Variants in ZBTB20 observed in about 807,000 individuals in gnomAD.
ZBTB20 encodes zinc finger and BTB domain containing 20.
A neutral mutation model predicts 56.9 loss-of-function variants in ZBTB20; 9 were observed. That is an observed-to-expected ratio of 0.16 (90% CI 0.10 to 0.28). ZBTB20 has a LOEUF of 0.28. Ranked by LOEUF, ZBTB20 falls within the 10% of genes least tolerant of loss-of-function variation. The probability of loss-of-function intolerance (pLI) is 1.00; values close to 1 mark genes in which losing one functional copy is unlikely to be tolerated. For missense variants in ZBTB20, 655 were observed against 1,003.0 expected (o/e 0.65, Z 4.69); for synonymous variants, 417 against 420.7 (o/e 0.99, Z 0.11).
rs559791769 is a variant in ZBTB20, at chr3:114,576,457, G to A, written c.-294-76066C>T. Among the ~76,000 whole-genome samples, 14 of 122,828 alleles carry A rather than the reference G, an allele frequency of 1.1e-4. 1 individual carries two copies. In the South Asian group the frequency reaches 3.3e-3, roughly 29 times the overall value. 80.6% of individuals were successfully genotyped at this position (122,828 alleles called of 152,430 possible). On this transcript the variant is annotated intron_variant, in intron 6 of 11. Transcript: ENST00000675478. ...GCGGAGCTTGCAGTGAGTCGAGATC[G>A]CGCCGCTGCACTCCAGCCTGGGTGA...
chr3:114,998,859 C>T (rs941735152), intron 2 of ZBTB20, among the ~76,000 whole-genome samples: 1 of 151,406 alleles, frequency 6.6e-6, no homozygotes, highest in Non-Finnish European at 1.5e-5. Flanking sequence ...GTCTGAGGTT[C>T]AGGAAGAGGA....
chr3:115,068,208 T>C (rs1015099033), intron 2 of ZBTB20, among the ~76,000 whole-genome samples: 4 of 151,908 alleles, frequency 2.6e-5, no homozygotes, highest in Non-Finnish European at 5.9e-5. Flanking sequence ...ATTATATAAA[T>C]AGTATGTATT....
chr3:114,418,934 T>C (rs1038331811), intron 7 of ZBTB20: 31 of 152,090 alleles, frequency 2.0e-4, no homozygotes, highest in African/African-American at 6.0e-4. Flanking sequence ...TCTAACAAGC[T>C]ACTGGTTTGG....
At chr3:114,769,983 T>C (rs112561521) in intron 5 of ZBTB20, among the ~76,000 whole-genome samples, 1 of 150,454 alleles carries the variant, frequency 6.6e-6, no homozygotes, top group South Asian at 2.1e-4. Context: ...CACTTTAACC[T>C]GGAAGGCAGA....
At chr3:114,455,067 G>A (rs1258301293) in intron 7 of ZBTB20, among the ~76,000 whole-genome samples, 1 of 149,792 alleles carries the variant, frequency 6.7e-6, no homozygotes, top group Non-Finnish European at 1.5e-5. Flanking sequence ...GGGGGAGAGA[G>A]AGAGAGAGAG....
At chr3:114,773,756 C>A (rs1255205486) in intron 5 of ZBTB20, among the ~76,000 whole-genome samples, 1 of 152,076 alleles carries the variant, frequency 6.6e-6, no homozygotes, top group African/African-American at 2.4e-5. Flanking sequence ...GAAAGAAAGT[C>A]CAGGCAAATG....
chr3:114,778,590 A>T (rs908958948), intron 5 of ZBTB20, among the ~76,000 whole-genome samples: 2 of 152,154 alleles, frequency 1.3e-5, no homozygotes, highest in African/African-American at 2.4e-5. Context: ...AAGCTAATAG[A>T]TGTAGACTAC....
At chr3:114,630,054 C>T (rs952046631) in intron 6 of ZBTB20, among the ~76,000 whole-genome samples, 4 of 152,164 alleles carry the variant, frequency 2.6e-5, no homozygotes, top group Admixed American at 1.3e-4. Context: ...GTGAGAGGAT[C>T]GCTTGATTCC....
intron 6 of ZBTB20, among the ~76,000 whole-genome samples, chr3:114,571,521 C>T (rs1402569732): frequency 3.9e-5 from 6 of 152,102 alleles, no homozygotes; most frequent in Non-Finnish European, 7.4e-5. Context: ...GGGGTGAGGA[C>T]GTGGAGGAAG....
At chr3:114,510,192 TAA>T (rs968323631) in intron 6 of ZBTB20, among the ~76,000 whole-genome samples, 3 of 152,178 alleles carry the variant, frequency 2.0e-5, no homozygotes, top group Non-Finnish European at 4.4e-5. Context: ...GGTAAATTTT[TAA>T]AAGTACCAGA....
intron 3 of ZBTB20, among the ~76,000 whole-genome samples, chr3:114,921,753 T>C (rs1377405315): frequency 1.3e-5 from 2 of 148,474 alleles, no homozygotes; most frequent in Non-Finnish European, 3.0e-5. Context: ...TTAGGAGATA[T>C]ACCTAATGTA....
rs1020901637 is a variant in ZBTB20 at position 114,338,091 on chromosome 3, C to T, written c.*914G>A. ...TCTCTTCCACAAGAATATATCCTGA[C>T]ACTTTTTTTTTTTTTGCAAAGATTG... On this transcript the variant is annotated 3_prime_UTR_variant, in exon 12 of 12. Coordinates refer to ENST00000675478, the MANE Select transcript of ZBTB20 (RefSeq NM_001348800.3). 6 of 134,320 alleles carry T rather than the reference C, an allele frequency of 4.5e-5. No homozygotes were observed. Among genetic ancestry groups the T allele is most frequent in the Non-Finnish European group, 1.0e-4 (6 of 58,548 alleles). The allele number at this position is 134,320 out of a possible 1,614,324, so 8.3% of individuals were successfully genotyped here.
At chr3:114,622,115 G>A (rs1018080804) in intron 6 of ZBTB20, among the ~76,000 whole-genome samples, 1 of 152,096 alleles carries the variant, frequency 6.6e-6, no homozygotes, top group African/African-American at 2.4e-5. Context: ...AAGTGTTAGA[G>A]ATCTAGCTTG....
chr3:114,485,683 G>A (rs1397282522), intron 7 of ZBTB20, among the ~76,000 whole-genome samples: 3 of 152,138 alleles, frequency 2.0e-5, no homozygotes, highest in Non-Finnish European at 4.4e-5. Flanking sequence ...AAATCATGAA[G>A]GCAGAGCCCT....
At chr3:114,807,260 T>C (rs998595774) in intron 4 of ZBTB20, among the ~76,000 whole-genome samples, 8 of 152,040 alleles carry the variant, frequency 5.3e-5, no homozygotes, top group Non-Finnish European at 1.0e-4. Context: ...TGAATTCCTT[T>C]ATTAGTTCGT....
Position 114,343,618 on chromosome 3 carries a change from T to C in ZBTB20, c.1805-4192A>G, listed in dbSNP as rs980603518. Among the ~76,000 whole-genome samples the C allele has an allele frequency of 8.5e-5, 13 of 152,326 alleles. No individual in the cohort carries two copies. In the East Asian group the frequency reaches 2.5e-3, roughly 29 times the overall value. On this transcript the variant is annotated intron_variant, in intron 11 of 11. Coordinates refer to ENST00000675478, the MANE Select transcript of ZBTB20 (RefSeq NM_001348800.3). ...GGAACACTTGAAAGTCCAGGTCCTC[T>C]GAATGGGGAACATCAAGACACGACC...
chr3:114,890,902 A>G (rs1389770334), intron 4 of ZBTB20, among the ~76,000 whole-genome samples: 1 of 152,024 alleles, frequency 6.6e-6, no homozygotes, highest in Non-Finnish European at 1.5e-5. Context: ...CATAATTCCA[A>G]TCTGAACTCA....
At chr3:115,039,894 T>C (rs766696973) in intron 2 of ZBTB20, among the ~76,000 whole-genome samples, 5 of 151,992 alleles carry the variant, frequency 3.3e-5, no homozygotes, top group Non-Finnish European at 7.4e-5. Context: ...AAACACATAG[T>C]TGGTAACAAA....
intron 2 of ZBTB20, among the ~76,000 whole-genome samples, chr3:115,051,777 T>A (rs2081558724): frequency 6.6e-6 from 1 of 152,174 alleles, no homozygotes; most frequent in Non-Finnish European, 1.5e-5. Context: ...TACCTCTGAT[T>A]GGGTAGTTTA....
Sources: allele counts gnomAD v4.1 joint callset (sites outside exome capture counted in the v4.1 genomes callset), GRCh38; gene constraint gnomAD v4.1.1; transcripts MANE v1.5; gene names NCBI Gene and HGNC (gene_info 2026-07-23, HGNC 2026-07-21).